NBPF12: variants seen among roughly 807,000 people sequenced by gnomAD.
The protein encoded by NBPF12 is NBPF member 12.
In NBPF12, 115 loss-of-function variants were observed where a neutral mutation model predicts 146.4. That is an observed-to-expected ratio of 0.79 (90% confidence interval 0.68 to 0.92). The LOEUF (loss-of-function observed/expected upper bound fraction) is 0.92. Ranked by LOEUF, NBPF12 falls within the 40% of genes least tolerant of loss-of-function variation. The pLI is 0.00. For synonymous variants in NBPF12, 385 were observed against 508.9 expected (o/e 0.76, Z 3.28); for missense variants, 1,205 against 1,326.8 (o/e 0.91, Z 1.43).
At chr1:146,984,329 C>A in intron 21 of NBPF12, 144 bp downstream of exon 24, 2 of 661,186 alleles carry the variant, frequency 3.0e-6, no homozygotes, top group South Asian at 1.8e-5. Flanking sequence ...TTTTGGTTCT[C>A]ATTAGAGTAA....
chr1:146,969,643 G>A, intron 11 of NBPF12, 47 bp downstream of exon 14: 1 of 1,560,130 alleles, frequency 6.4e-7, no homozygotes, highest in Non-Finnish European at 8.8e-7. Context: ...AGGCTTATGA[G>A]AGGCTCCAGA....
At chr1:146,973,260 C>T (rs1204181390) in intron 14 of NBPF12, among the ~76,000 whole-genome samples, 2 of 151,178 alleles carry the variant, frequency 1.3e-5, no homozygotes, top group African/African-American at 4.9e-5. Flanking sequence ...TTTCAAGAAT[C>T]CTCTCTGTAC....
At chr1:146,961,464 C>T (rs1419622414) in intron 4 of NBPF12, among the ~76,000 whole-genome samples, 1 of 152,068 alleles carries the variant, frequency 6.6e-6, no homozygotes, top group African/African-American at 2.4e-5. Flanking sequence ...TCTCCTTGAA[C>T]ATTAATTGGC....
chr1:146,981,262 T>A (rs1657357030), intron 19 of NBPF12, among the ~76,000 whole-genome samples: 1 of 104,136 alleles, frequency 9.6e-6, no homozygotes, highest in Non-Finnish European at 1.9e-5. Flanking sequence ...ACATGTACCC[T>A]AAGACTTAAA....
chr1:146,992,384 G>T (rs1658224030), intron 31 of NBPF12, among the ~76,000 whole-genome samples: 2 of 139,772 alleles, frequency 1.4e-5, no homozygotes, highest in South Asian at 2.2e-4. Context: ...AACTCAGAGT[G>T]TCCTGTTACT....
At chr1:146,939,983 TAAA>T (rs1260075296) in intron 1 of NBPF12, among the ~76,000 whole-genome samples, 19 of 139,008 alleles carry the variant, frequency 1.4e-4, no homozygotes, top group Non-Finnish European at 1.7e-4. Context: ...AGACTCCCTC[TAAA>T]AAAAAAAAAA....
At position 146,984,927 on chromosome 1, in the gene NBPF12, C is replaced by G. The variant is rs1657658439; in HGVS notation, c.2781C>G (p.Tyr927Ter). 15 of 1,585,434 alleles carry G rather than the reference C, an allele frequency of 9.5e-6. No individual in the cohort carries two copies. Among genetic ancestry groups the G allele is most frequent in the Non-Finnish European group, 1.2e-5 (14 of 1,158,142 alleles). Residue 927 changes from tyrosine (Y) to a stop codon, truncating the protein, a stop_gained, in exon 22 of 34, where the codon TAC becomes TAG. Transcript: ENST00000617844. LOFTEE classifies it high-confidence loss of function. ...GACTGACTGACTCATGCCAGCCCTA[C>G]AGAAGTGCCTTTTACGTATTGGAGC...
rs2101855748 is a variant in NBPF12 at position 146,964,922 on chromosome 1, TC to T, written c.599del (p.Pro200LeufsTer43). 1 of 1,607,582 alleles carries T rather than the reference TC, an allele frequency of 6.2e-7. No individual in the cohort carries two copies. The highest frequency in any genetic ancestry group is 8.5e-7 in the Non-Finnish European group (1 of 1,177,496). On this transcript the variant is annotated frameshift_variant, in exon 8 of 34. Coordinates refer to ENST00000617844, the Ensembl canonical transcript of NBPF12. LOFTEE classifies it high-confidence loss of function. ...GTGCAGAAGGCTGAAGAGAGCAAAG[TC>T]CCTGAGGACTCACTGGAGGAATGTG... is the stretch of plus-strand genomic sequence containing the variant.
intron 14 of NBPF12, among the ~76,000 whole-genome samples, 180 bp downstream of exon 17, chr1:146,973,140 A>G (rs1268018922): frequency 1.3e-5 from 2 of 149,864 alleles, no homozygotes. Flanking sequence ...GTATTTAGCA[A>G]CTTTCCATGT....
intron 21 of NBPF12, 74 bp downstream of exon 24, chr1:146,984,259 A>G (rs1317336418): frequency 2.4e-6 from 2 of 820,714 alleles, no homozygotes; most frequent in Admixed American, 1.7e-5. Context: ...AAAACAGTAC[A>G]CGCTGAAAAT....
exon 13 of NBPF12, chr1:146,971,208 A>G (rs1656589428): frequency 2.5e-6 from 4 of 1,611,786 alleles, no homozygotes; most frequent in South Asian, 1.1e-5. Flanking sequence ...TGAAGAAAGC[A>G]AAGTCCCTGA....
chr1:146,971,582 G>T (rs1656614298), intron 13 of NBPF12, among the ~76,000 whole-genome samples, 188 bp downstream of exon 16: 2 of 146,152 alleles, frequency 1.4e-5, no homozygotes, highest in Non-Finnish European at 3.0e-5. Flanking sequence ...TTGAGTTCAG[G>T]AGTTGAAGAC....
Position 146,969,714 on chromosome 1 carries a change from G to C in NBPF12, c.1306+118G>C, listed in dbSNP as rs1475062517. On this transcript the variant is annotated intron_variant, in intron 11 of 33. Coordinates refer to ENST00000617844, the Ensembl canonical transcript of NBPF12. ...GGTTTTTTTCTACTACACATGTGTG[G>C]CCATGACATGACCAGGACTTCCTGG... is the stretch of plus-strand genomic sequence containing the variant. 15 of 1,561,118 alleles carry C rather than the reference G, an allele frequency of 9.6e-6. 1 individual carries two copies. The African/African-American group carries it at 1.4e-4, about 14-fold the overall frequency.
At chr1:146,940,625 AT>A in intron 1 of NBPF12, among the ~76,000 whole-genome samples, 1 of 151,882 alleles carries the variant, frequency 6.6e-6, no homozygotes, top group African/African-American at 2.4e-5. Context: ...GAAATAGAAC[AT>A]TACTATATTG....
chr1:146,994,950 G>T (rs587637356), exon 34 of NBPF12: 5 of 334,580 alleles, frequency 1.5e-5, no homozygotes, highest in Admixed American at 4.4e-5. Flanking sequence ...ATCCAAAGGT[G>T]TTACCCTGGT....
At chr1:146,941,050 CTT>C (rs1288615172) in intron 1 of NBPF12, among the ~76,000 whole-genome samples, 2 of 152,120 alleles carry the variant, frequency 1.3e-5, no homozygotes, top group East Asian at 3.9e-4. Context: ...CGTTTTCACT[CTT>C]TTAATGATGT....
At chr1:146,966,725 C>G in intron 9 of NBPF12, 52 bp downstream of exon 12, 1 of 1,022,132 alleles carries the variant, frequency 9.8e-7, no homozygotes, top group East Asian at 2.4e-5. Flanking sequence ...GTCCTGTCTT[C>G]TCTCTGAGAA....
At chr1:146,958,414 A>G (rs1655701494) in intron 2 of NBPF12, among the ~76,000 whole-genome samples, 2 of 122,566 alleles carry the variant, frequency 1.6e-5, no homozygotes, top group Admixed American at 8.6e-5. Flanking sequence ...AAAATTAGAA[A>G]CCTTGTAAAG....
chr1:146,995,996 G>T (rs1322421449), exon 34 of NBPF12: 1 of 149,134 alleles, frequency 6.7e-6, no homozygotes, highest in African/African-American at 2.5e-5. Context: ...TTTTACTAGT[G>T]TCTGCTGTTG....
Sources: allele counts gnomAD v4.1 joint callset (sites outside exome capture counted in the v4.1 genomes callset), GRCh38; gene constraint gnomAD v4.1.1; transcripts MANE v1.5; gene names NCBI Gene and HGNC (gene_info 2026-07-23, HGNC 2026-07-21).